ATRIP: variants seen among roughly 807,000 people sequenced by gnomAD.
ATRIP encodes ATR interacting protein, also known as ATR-interacting protein.
In ATRIP, 44 loss-of-function variants were observed where a neutral mutation model predicts 78.1. The ratio of observed to expected loss-of-function variants is 0.56; its 90% confidence interval spans 0.44 to 0.72. ATRIP has a LOEUF of 0.72. Ranked by LOEUF, ATRIP falls within the 30% of genes least tolerant of loss-of-function variation. The pLI is 0.00. For synonymous variants in ATRIP, 388 were observed against 408.9 expected, an observed-to-expected ratio of 0.95 and a Z score of 0.62; for missense variants, 927 against 980.2, an observed-to-expected ratio of 0.95 and a Z score of 0.72.
chr3:48,464,069 G>A lies in ATRIP; in HGVS notation c.1911G>A (p.Met637Ile). 6.2e-7 allele frequency: 1 copy of A among 1,613,788 alleles called. No individual in the cohort carries two copies. The change falls in exon 10 of 13, where the codon ATG becomes ATA. Residue 637 changes from methionine to isoleucine, a missense_variant. By Grantham distance (10) the Met-to-Ile change is conservative. Transcript: ENST00000320211. ...GCTGCCTCCTGCTGCTGCTGTACAT[G>A]TACATCACATCACGGCCTGACAGAG... Reference protein sequence around the residue: ...SEGCLLLLLYMYITSRPDRVA... With the variant: ...SEGCLLLLLYIYITSRPDRVA...
At chr3:48,456,521 C>T (rs1299978177) in intron 4 of ATRIP, among the ~76,000 whole-genome samples, 1 of 151,714 alleles carries the variant, frequency 6.6e-6, no homozygotes, top group Non-Finnish European at 1.5e-5. Context: ...ATCACTAAGC[C>T]CAAGAGGTGG....
At position 48,465,907 on chromosome 3, in the gene ATRIP, A is replaced by G. The variant is rs1456953704; in HGVS notation, c.*353A>G. 3.3e-6 allele frequency: 1 copy of G among 298,638 alleles called. No homozygotes were observed. Among genetic ancestry groups the G allele is most frequent in the African/African-American group, 2.2e-5 (1 of 45,960 alleles). The allele number at this position is 298,638 out of a possible 1,614,324, so 18.5% of individuals were successfully genotyped here. On this transcript the variant is annotated 3_prime_UTR_variant, in exon 13 of 13. Transcript: ENST00000320211. ...GAGGTGGCTCTTGGCCCAGGCCTAAACCAGGAAAGCCTGGGAAACTGGGAC... is the reference window on the plus strand; with the variant it reads ...GAGGTGGCTCTTGGCCCAGGCCTAAGCCAGGAAAGCCTGGGAAACTGGGAC...
rs969802672 is a variant in ATRIP, at chr3:48,467,615, T to C, written c.*2061T>C. ...CTGGGGAGTAGGCCAAGAAGGAAAATCTGACGAATAAAGACCCCCGCTGCC... is the reference window on the plus strand; with the variant it reads ...CTGGGGAGTAGGCCAAGAAGGAAAACCTGACGAATAAAGACCCCCGCTGCC... On this transcript the variant is annotated 3_prime_UTR_variant, in exon 13 of 13. Transcript: ENST00000320211. 6.2e-7 allele frequency: 1 copy of C among 1,607,176 alleles called. No homozygotes were observed. The highest frequency in any genetic ancestry group is 8.5e-7 in the Non-Finnish European group (1 of 1,176,332).
Position 48,460,280 on chromosome 3 carries a change from C to T in ATRIP, c.1226C>T (p.Pro409Leu), listed in dbSNP as rs2040066392. The T allele has an allele frequency of 8.1e-6, 13 of 1,613,984 alleles. No individual in the cohort carries two copies. The Admixed American group carries it at 1.0e-4, about 12-fold the overall frequency. Residue 409 changes from proline to leucine, a missense_variant, in exon 8 of 13, where the codon CCA (proline) becomes CTA (leucine). Transcript: ENST00000320211. ...DPAEGGRRAF[P>L]LCQLPGAVHF... ...GCAGAGGGAGGCAGAAGGGCCTTCC[C>T]ACTCTGCCAGCTTCCTGGAGCCGTG...
Position 48,466,118 on chromosome 3 carries a change from G to C in ATRIP, c.*564G>C, listed in dbSNP as rs2040281758. 1 of 406,866 alleles carries C rather than the reference G, an allele frequency of 2.5e-6. No homozygotes were observed. The highest frequency in any genetic ancestry group is 3.7e-5 in the Admixed American group (1 of 27,230). The allele number at this position is 406,866 out of a possible 1,614,324, so 25.2% of individuals were successfully genotyped here. On this transcript the variant is annotated 3_prime_UTR_variant, in exon 13 of 13. Transcript: ENST00000320211. ...GGCCTCTGGGGTCCCCCGGGAGCAG[G>C]GGAGTGGGTGTGGGGGGGAACGGAT...
At chr3:48,463,256 C>T (rs1264201385) in intron 8 of ATRIP, among the ~76,000 whole-genome samples, 1 of 152,200 alleles carries the variant, frequency 6.6e-6, no homozygotes, top group African/African-American at 2.4e-5. Flanking sequence ...CACATTCTCC[C>T]ACTGGCAGCA....
intron 1 of ATRIP, chr3:48,447,345 T>G: frequency 8.5e-7 from 1 of 1,175,060 alleles, no homozygotes; most frequent in East Asian, 4.1e-5. Context: ...TTCTAAAGTT[T>G]AGGCCACTTG....
chr3:48,447,275 T>C, intron 1 of ATRIP, 183 bp downstream of exon 1: 1 of 1,259,878 alleles, frequency 7.9e-7, no homozygotes, highest in Non-Finnish European at 1.0e-6. Flanking sequence ...GGGAAATGCA[T>C]TAGCCAGGTC....
In ATRIP at chr3:48,460,694, C is replaced by A. The variant is rs1484441130; in HGVS notation, c.1640C>A (p.Ala547Asp). The A allele has an allele frequency of 6.2e-7, 1 of 1,614,116 alleles. No homozygotes were observed. The highest frequency in any genetic ancestry group is 1.7e-5 in the Admixed American group (1 of 60,028). Residue 547 changes from alanine to aspartate, a missense_variant, in exon 8 of 13, where the codon GCT becomes GAT. Transcript: ENST00000320211. ...PLLKMLLHLL[A>D]FSSAATGHLQ... ...TTGAAGATGCTTCTTCACCTGTTGG[C>A]TTTCTCTTCTGCAGCAACAGGTCAC... is the stretch of plus-strand genomic sequence containing the variant.
At chr3:48,459,124 A>G (rs774092089) in intron 5 of ATRIP, among the ~76,000 whole-genome samples, 16 of 152,132 alleles carry the variant, frequency 1.1e-4, no homozygotes, top group South Asian at 2.1e-4. Flanking sequence ...GTTTTATCTA[A>G]TTGCCTCATT....
At chr3:48,464,739 A>C in intron 11 of ATRIP, 77 bp downstream of exon 11, 1 of 1,608,930 alleles carries the variant, frequency 6.2e-7, no homozygotes, top group Non-Finnish European at 8.5e-7. Context: ...CCCCACTGCA[A>C]ACCCCCTCAC....
chr3:48,465,628 G>A lies in ATRIP; in HGVS notation c.*74G>A, dbSNP rs2040263720. 1 of 1,437,096 alleles carries A rather than the reference G, an allele frequency of 7.0e-7. No individual in the cohort carries two copies. The highest frequency in any genetic ancestry group is 9.8e-7 in the Non-Finnish European group (1 of 1,023,872). 89.0% of individuals were successfully genotyped at this position (1,437,096 alleles called of 1,614,324 possible). On this transcript the variant is annotated 3_prime_UTR_variant, in exon 13 of 13. Coordinates refer to ENST00000320211, the MANE Select transcript of ATRIP (RefSeq NM_130384.3). ...TACCACATCAACTGATTAAAGCAGT[G>A]ACCAGCAGGAACTGCCCAGAGAACT... is the stretch of plus-strand genomic sequence containing the variant.
At chr3:48,464,016 G>A in intron 9 of ATRIP, 25 bp from the exon 10 acceptor site, 2 of 1,608,920 alleles carry the variant, frequency 1.2e-6, no homozygotes, top group South Asian at 1.1e-5. Flanking sequence ...GGCACCCTGA[G>A]TGAGAGGTGC....
intron 5 of ATRIP, among the ~76,000 whole-genome samples, chr3:48,459,081 G>A (rs1349115894): frequency 6.6e-6 from 1 of 152,192 alleles, no homozygotes; most frequent in African/African-American, 2.4e-5. Flanking sequence ...TGTCTAGCAC[G>A]TAACAAGCAC....
chr3:48,460,079 T>G (rs1393328759), intron 7 of ATRIP, 31 bp from the exon 8 acceptor site: 8 of 1,586,032 alleles, frequency 5.0e-6, no homozygotes, highest in Middle Eastern at 1.7e-4. Flanking sequence ...CATCCCACAC[T>G]TAATCTATTT....
chr3:48,465,512 C>T lies in ATRIP; in HGVS notation c.2334C>T (p.Ala778=), dbSNP rs141960118. ...CEEAALDDLC[A]AETDVEDPEV... is the part of the protein sequence containing the mutation. ...AGGCAGCCCTGGATGACCTCTGTGCCGCGGAAACCGATGTGGAAGACCCCG... is the reference window on the plus strand; with the variant it reads ...AGGCAGCCCTGGATGACCTCTGTGCTGCGGAAACCGATGTGGAAGACCCCG... Residue 778 remains alanine (A), a synonymous_variant, in exon 13 of 13, where the codon GCC becomes GCT. Transcript: ENST00000320211. The T allele has an allele frequency of 1.9e-5, 30 of 1,613,782 alleles. No homozygotes were observed. The highest frequency in any genetic ancestry group is 1.5e-4 in the Admixed American group (9 of 59,988).
intron 6 of ATRIP, 58 bp from the exon 7 acceptor site, chr3:48,459,729 A>G (rs1416832416): frequency 1.9e-6 from 3 of 1,589,480 alleles, no homozygotes; most frequent in Middle Eastern, 1.7e-4. Context: ...TTCCTTCTGA[A>G]AGCCACCGAA....
At chr3:48,451,017 C>T (rs1219200922) in intron 2 of ATRIP, among the ~76,000 whole-genome samples, 2 of 149,104 alleles carry the variant, frequency 1.3e-5, no homozygotes, top group Non-Finnish European at 3.0e-5. Context: ...GGTGAAAACC[C>T]GTCTCTACTA....
intron 8 of ATRIP, among the ~76,000 whole-genome samples, chr3:48,462,154 T>G (rs944418825): frequency 6.6e-6 from 1 of 151,180 alleles, no homozygotes; most frequent in African/African-American, 2.4e-5. Context: ...AAAGCAAGAC[T>G]CCCAGCTCTA....
Sources: gnomAD v4.1 joint callset for allele counts (sites outside exome capture counted in the v4.1 genomes callset) on GRCh38, gnomAD v4.1.1 for gene constraint, MANE v1.5 for transcripts, NCBI Gene and HGNC (gene_info 2026-07-23, HGNC 2026-07-21) for gene names.